The following CDH12 variants were observed in gnomAD, a reference collection of about 807,000 sequenced individuals.
The protein encoded by CDH12 is cadherin-12.
CDH12 carries 41 observed loss-of-function variants against 74.1 expected under a neutral mutation model. The observed-to-expected ratio is 0.55, with a 90% confidence interval of 0.43 to 0.72. CDH12 has a LOEUF of 0.72. Among genes scored for constraint, CDH12 ranks in the 30% least tolerant of loss-of-function variants. CDH12 has a pLI of 0.00. For synonymous variants in CDH12, 399 were observed against 355.0 expected (o/e 1.12, Z -1.39); for missense variants, 945 against 977.2 (o/e 0.97, Z 0.44).
At chr5:22,382,524 G>T (rs1741813515) in intron 3 of CDH12, among the ~76,000 whole-genome samples, 1 of 151,486 alleles carries the variant, frequency 6.6e-6, no homozygotes, top group African/African-American at 2.4e-5. Context: ...CAGGGCCACT[G>T]GTTATGTAAT....
intron 3 of CDH12, among the ~76,000 whole-genome samples, chr5:22,239,215 A>T (rs2150379717): frequency 6.6e-6 from 1 of 152,336 alleles, no homozygotes; most frequent in South Asian, 2.1e-4. Context: ...TCTGTTTCAG[A>T]AGCATTGAGA....
intron 1 of CDH12, among the ~76,000 whole-genome samples, chr5:22,744,815 A>G (rs1745212088): frequency 6.6e-6 from 1 of 152,064 alleles, no homozygotes; most frequent in African/African-American, 2.4e-5. Context: ...TCTCTTTATC[A>G]TGATAGAGTG....
chr5:22,745,303 G>C (rs549183420), intron 1 of CDH12, among the ~76,000 whole-genome samples: 1 of 152,002 alleles, frequency 6.6e-6, no homozygotes, highest in African/African-American at 2.4e-5. Context: ...TTGCATTAAA[G>C]ATCACCTTGG....
intron 3 of CDH12, among the ~76,000 whole-genome samples, chr5:22,243,001 T>A (rs996081011): frequency 6.6e-6 from 1 of 152,114 alleles, no homozygotes; most frequent in African/African-American, 2.4e-5. Context: ...CTATATTACA[T>A]GACCTCTGTT....
chr5:22,070,574 C>T (rs367545368), intron 5 of CDH12, among the ~76,000 whole-genome samples: 4 of 152,186 alleles, frequency 2.6e-5, no homozygotes, highest in African/African-American at 9.6e-5. Context: ...GTTCTTCCAG[C>T]AGACTGCCTT....
chr5:22,787,389 C>G (rs1210934912), intron 1 of CDH12, among the ~76,000 whole-genome samples: 1 of 152,004 alleles, frequency 6.6e-6, no homozygotes, highest in Non-Finnish European at 1.5e-5. Context: ...ACCAAGAAGT[C>G]ATCCTAATTT....
At chr5:22,010,233 T>C (rs1458113377) in intron 5 of CDH12, among the ~76,000 whole-genome samples, 3 of 152,194 alleles carry the variant, frequency 2.0e-5, no homozygotes, top group African/African-American at 7.2e-5. Context: ...GAGTATATCT[T>C]AAGCTAATGA....
intron 1 of CDH12, among the ~76,000 whole-genome samples, chr5:22,544,973 C>CA (rs34698713): frequency 1.7e-3 from 261 of 149,888 alleles, no homozygotes; most frequent in Admixed American, 5.0e-3. Flanking sequence ...TGAGATGTGG[C>CA]AAAAAAAAAG....
chr5:22,482,471 C>G (rs1393454243), intron 2 of CDH12, among the ~76,000 whole-genome samples: 3 of 152,054 alleles, frequency 2.0e-5, no homozygotes, highest in Non-Finnish European at 4.4e-5. Flanking sequence ...CTAGCTGAAA[C>G]CAGAGAAAAA....
At chr5:22,702,415 T>A (rs911044698) in intron 1 of CDH12, among the ~76,000 whole-genome samples, 1 of 152,032 alleles carries the variant, frequency 6.6e-6, no homozygotes, top group Non-Finnish European at 1.5e-5. Flanking sequence ...TATGGTCAAG[T>A]TTTTCTGCTG....
chr5:22,761,289 A>G (rs1342242621), intron 1 of CDH12, among the ~76,000 whole-genome samples: 3 of 152,196 alleles, frequency 2.0e-5, no homozygotes, highest in Non-Finnish European at 4.4e-5. Flanking sequence ...GGAGCAGGTT[A>G]TATTAAAAAT....
intron 1 of CDH12, among the ~76,000 whole-genome samples, chr5:22,607,533 A>G (rs1737179071): frequency 6.6e-6 from 1 of 152,216 alleles, no homozygotes; most frequent in African/African-American, 2.4e-5. Context: ...CTTACTCACT[A>G]TCACGAGACT....
At chr5:22,555,413 T>C (rs1356943048) in intron 1 of CDH12, among the ~76,000 whole-genome samples, 1 of 151,980 alleles carries the variant, frequency 6.6e-6, no homozygotes, top group African/African-American at 2.4e-5. Context: ...AGCAGCAGTA[T>C]GCCTGTGGAA....
At chr5:22,746,204 G>A (rs1049080227) in intron 1 of CDH12, among the ~76,000 whole-genome samples, 1 of 152,094 alleles carries the variant, frequency 6.6e-6, no homozygotes, top group African/African-American at 2.4e-5. Context: ...CCTAAAGTAG[G>A]CATTTAATTG....
At chr5:22,060,706 C>T (rs1049966449) in intron 5 of CDH12, among the ~76,000 whole-genome samples, 7 of 152,094 alleles carry the variant, frequency 4.6e-5, no homozygotes, top group Admixed American at 6.6e-5. Context: ...GAAAGCCCTG[C>T]AGGTTCTTTT....
intron 4 of CDH12, chr5:22,141,588 G>GT (rs1444822505): frequency 2.6e-5 from 4 of 152,074 alleles, no homozygotes; most frequent in Non-Finnish European, 5.9e-5. Context: ...ATCTTTTGGG[G>GT]TTTTTTCCAT....
intron 3 of CDH12, among the ~76,000 whole-genome samples, chr5:22,221,275 G>A (rs78575271): frequency 0.025 from 3,852 of 151,934 alleles, 68 homozygotes; most frequent in African/African-American, 0.052. Flanking sequence ...AGACACATAT[G>A]TTCTTGTCAC....
chr5:22,034,010 T>C (rs547847554), intron 5 of CDH12, among the ~76,000 whole-genome samples: 1 of 152,312 alleles, frequency 6.6e-6, no homozygotes, highest in East Asian at 1.9e-4. Flanking sequence ...TCAATACATA[T>C]TTAAAGAAAG....
intron 4 of CDH12, among the ~76,000 whole-genome samples, chr5:22,126,498 A>T (rs1745879046): frequency 6.6e-6 from 1 of 152,158 alleles, no homozygotes; most frequent in Admixed American, 6.5e-5. Context: ...AGTAGTGCAG[A>T]TTGTGTTGAA....
Sources: gnomAD v4.1 joint callset for allele counts (sites outside exome capture counted in the v4.1 genomes callset) on GRCh38, gnomAD v4.1.1 for gene constraint, MANE v1.5 for transcripts, NCBI Gene and HGNC (gene_info 2026-07-23, HGNC 2026-07-21) for gene names.